RANBP3L: variants seen among roughly 807,000 people sequenced by gnomAD.
The protein encoded by RANBP3L is RAN binding protein 3 like.
Under a neutral mutation model 67.2 loss-of-function variants are expected in RANBP3L, and 56 were observed. The observed-to-expected ratio is 0.83, with a 90% CI of 0.67 to 1.04. The LOEUF (loss-of-function observed/expected upper bound fraction) is 1.04, where lower values mean the gene tolerates loss of function less well. Ranked by LOEUF, RANBP3L falls within the 50% of genes least tolerant of loss-of-function variation. The probability of loss-of-function intolerance (pLI) is 0.00; values close to 1 mark genes in which losing one functional copy is unlikely to be tolerated. For synonymous variants in RANBP3L, 164 were observed against 181.4 expected, an observed-to-expected ratio of 0.90 and a Z score of 0.77; for missense variants, 496 against 535.5, an observed-to-expected ratio of 0.93 and a Z score of 0.73.
chr5:36,250,861 G>A (rs780762965), intron 13 of RANBP3L, among the ~76,000 whole-genome samples: 3 of 151,998 alleles, frequency 2.0e-5, no homozygotes, highest in Non-Finnish European at 2.9e-5. Context: ...ATAGGTCCTT[G>A]AAAATAGTAT....
intron 10 of RANBP3L, 85 bp from the exon 11 acceptor site, chr5:36,255,675 T>C (rs1458534004): frequency 1.2e-6 from 1 of 800,372 alleles, no homozygotes; most frequent in Non-Finnish European, 1.9e-6. Context: ...CGTTTATATG[T>C]GTCTAGTCTT....
intron 4 of RANBP3L, among the ~76,000 whole-genome samples, chr5:36,268,545 T>C (rs1362143413): frequency 1.3e-5 from 2 of 152,070 alleles, no homozygotes; most frequent in African/African-American, 4.8e-5. Context: ...AATATATACA[T>C]AGATGCTGTA....
intron 1 of RANBP3L, among the ~76,000 whole-genome samples, chr5:36,297,285 A>G (rs911295811): frequency 6.0e-5 from 9 of 150,080 alleles, no homozygotes; most frequent in Non-Finnish European, 3.0e-5. Flanking sequence ...GGTCTTCATC[A>G]TTGTCTTCAT....
At chr5:36,287,113 A>G (rs901106412) in intron 1 of RANBP3L, among the ~76,000 whole-genome samples, 2 of 152,138 alleles carry the variant, frequency 1.3e-5, no homozygotes, top group Non-Finnish European at 2.9e-5. Context: ...TTAGATTCTC[A>G]TAAAGAGCAC....
Position 36,253,708 on chromosome 5 carries a change from T to C in RANBP3L, c.1106A>G (p.Lys369Arg). 1 of 1,612,216 alleles carries C rather than the reference T, an allele frequency of 6.2e-7. No homozygotes were observed. Among genetic ancestry groups the C allele is most frequent in the Non-Finnish European group, 8.5e-7 (1 of 1,178,366 alleles). Residue 369 changes from lysine to arginine, a missense_variant, in exon 12 of 14, where the codon AAA becomes AGA. Physicochemically the swap from Lys to Arg is conservative, Grantham distance 26 (BLOSUM62 2). Coordinates refer to ENST00000296604, the MANE Select transcript of RANBP3L (RefSeq NM_145000.5). ...ATCAGTAGCTGTTATTCGTACATTT[T>C]TGTGGTTTGCTCTTTGAATCTTCAT... Reference protein sequence around the residue: ...AQMKIQRANHKNVRITATDLE... With the variant: ...AQMKIQRANHRNVRITATDLE...
chr5:36,301,647 T>C lies in RANBP3L; in HGVS notation c.-231A>G, dbSNP rs1340035563. On this transcript the variant is annotated 5_prime_UTR_variant, in exon 1 of 14. The change abolishes an upstream ATG in the 5' untranslated region. Coordinates refer to ENST00000296604, the MANE Select transcript of RANBP3L (RefSeq NM_145000.5). ...TCCTAAATATAAAGATGCCAATTCA[T>C]TTGGTTAAAAACACAACTTAATTCC... 2.3e-6 allele frequency: 1 copy of C among 438,764 alleles called. No individual in the cohort carries two copies. Among genetic ancestry groups the C allele is most frequent in the Non-Finnish European group, 4.1e-6 (1 of 243,444 alleles). 27.2% of individuals were successfully genotyped at this position (438,764 alleles called of 1,614,324 possible).
chr5:36,290,307 TCC>T (rs938189829), intron 1 of RANBP3L, among the ~76,000 whole-genome samples: 2 of 150,128 alleles, frequency 1.3e-5, no homozygotes, highest in Non-Finnish European at 3.0e-5. Context: ...AACATTTACC[TCC>T]CAGTTCAAGC....
intron 12 of RANBP3L, 103 bp from the exon 13 acceptor site, chr5:36,251,602 T>G: frequency 1.1e-6 from 1 of 916,610 alleles, no homozygotes; most frequent in South Asian, 1.9e-5. Context: ...TTACATGGCA[T>G]AAATCTACAG....
intron 1 of RANBP3L, among the ~76,000 whole-genome samples, chr5:36,277,132 G>A (rs1750628241): frequency 6.6e-6 from 1 of 152,184 alleles, no homozygotes; most frequent in South Asian, 2.1e-4. Context: ...TTATCCACTT[G>A]AACTGTAGCC....
intron 4 of RANBP3L, among the ~76,000 whole-genome samples, chr5:36,265,833 C>T (rs7736943): frequency 0.41 from 61,986 of 151,750 alleles, 15,242 homozygotes; most frequent in Non-Finnish European, 0.56. Flanking sequence ...AATAATGAGC[C>T]GGGCGTGGTG....
intron 6 of RANBP3L, among the ~76,000 whole-genome samples, chr5:36,264,390 G>T (rs1427291374): frequency 2.0e-5 from 3 of 152,126 alleles, no homozygotes; most frequent in African/African-American, 7.2e-5. Context: ...TATCTGCACG[G>T]CTTGTGTAAG....
Position 36,276,048 on chromosome 5 carries a change from A to G in RANBP3L, c.92-4737T>C, listed in dbSNP as rs4869637. On this transcript the variant is annotated intron_variant, in intron 1 of 13. Coordinates refer to ENST00000296604, the MANE Select transcript of RANBP3L (RefSeq NM_145000.5). ...GCTGCTTGCCAAAAATAGACTTCTTATTGAATTATCCTGCCCAGCAAGCAT... is the reference window on the plus strand; with the variant it reads ...GCTGCTTGCCAAAAATAGACTTCTTGTTGAATTATCCTGCCCAGCAAGCAT... 0.012 allele frequency among the ~76,000 whole-genome samples: 1,837 copies of G among 152,292 alleles called. 149 individuals carry two copies. The East Asian group carries it at 0.22, about 18-fold the overall frequency.
At chr5:36,261,714 A>G (rs989577977) in intron 7 of RANBP3L, among the ~76,000 whole-genome samples, 8 of 152,182 alleles carry the variant, frequency 5.3e-5, no homozygotes, top group South Asian at 4.1e-4. Flanking sequence ...TTCTCACCCA[A>G]GTTAATGAAA....
In RANBP3L at chr5:36,271,244, C is replaced by T. The variant is rs1008099843; in HGVS notation, c.150+9G>A. 3.5e-6 allele frequency: 5 copies of T among 1,438,424 alleles called. No homozygotes were observed. Among genetic ancestry groups the T allele is most frequent in the Non-Finnish European group, 4.9e-6 (5 of 1,022,556 alleles). The allele number at this position is 1,438,424 out of a possible 1,614,324, so 89.1% of individuals were successfully genotyped here. ...AAGTAAAATTGAACAAAGAAGTAGT[C>T]AATCTTACCTTAAAAGTTTGTTCTC... On this transcript the variant is annotated intron_variant, in intron 2 of 13. Coordinates refer to ENST00000296604, the MANE Select transcript of RANBP3L (RefSeq NM_145000.5).
At chr5:36,279,636 A>G (rs1750835450) in intron 1 of RANBP3L, among the ~76,000 whole-genome samples, 1 of 152,190 alleles carries the variant, frequency 6.6e-6, no homozygotes, top group Non-Finnish European at 1.5e-5. Flanking sequence ...CTGATCATAC[A>G]TGTTGAAGAT....
At chr5:36,297,215 A>T (rs1752279884) in intron 1 of RANBP3L, among the ~76,000 whole-genome samples, 1 of 152,180 alleles carries the variant, frequency 6.6e-6, no homozygotes, top group Admixed American at 6.6e-5. Context: ...TGTTATTAAG[A>T]AAACCATAAT....
At chr5:36,273,787 T>C (rs1347929538) in intron 1 of RANBP3L, among the ~76,000 whole-genome samples, 2 of 152,248 alleles carry the variant, frequency 1.3e-5, no homozygotes, top group African/African-American at 4.8e-5. Flanking sequence ...ATTCAACAAA[T>C]ATGTATTGAG....
Position 36,249,616 on chromosome 5 carries a change from C to T in RANBP3L, c.*38G>A. ...GTTTAGTATTTTCAGTAGGGTGACC[C>T]CTCTTTTTGTAGATGTCATGTTTAT... On this transcript the variant is annotated 3_prime_UTR_variant, in exon 14 of 14. Transcript: ENST00000296604. The T allele has an allele frequency of 8.3e-7, 1 of 1,200,862 alleles. No individual in the cohort carries two copies. The highest frequency in any genetic ancestry group is 1.2e-6 in the Non-Finnish European group (1 of 845,176). 74.4% of individuals were successfully genotyped at this position (1,200,862 alleles called of 1,614,324 possible). A position where few individuals can be genotyped will look rare whatever the true frequency, so the allele number is the denominator to read the frequency against.
In RANBP3L at chr5:36,246,965, A is replaced by C. The variant is rs534427000; in HGVS notation, c.*2689T>G. Among the ~76,000 whole-genome samples, 2 of 152,336 alleles carry C rather than the reference A, an allele frequency of 1.3e-5. No homozygotes were observed. Among genetic ancestry groups the C allele is most frequent in the African/African-American group, 4.8e-5 (2 of 41,580 alleles). ...CTATAATTAGGGTAAACAGTTGGGT[A>C]AAATCTTACTAAAAGAAAGTTAAGG... On this transcript the variant is annotated 3_prime_UTR_variant, in exon 14 of 14. Transcript: ENST00000296604.
Sources: gnomAD v4.1 joint callset for allele counts (sites outside exome capture counted in the v4.1 genomes callset) on GRCh38, gnomAD v4.1.1 for gene constraint, MANE v1.5 for transcripts, NCBI Gene and HGNC (gene_info 2026-07-23, HGNC 2026-07-21) for gene names.